Variants in PMF1 observed in about 807,000 individuals in gnomAD.
The protein encoded by PMF1 is polyamine modulated factor 1, also known as polyamine-modulated factor 1.
Under a neutral mutation model 26.7 loss-of-function variants are expected in PMF1, and 21 were observed. That is an observed-to-expected ratio of 0.79 (90% CI 0.56 to 1.13). The LOEUF is 1.13. Among genes scored for constraint, PMF1 ranks in the 50% most tolerant of loss-of-function variants. The probability of loss-of-function intolerance (pLI) is 0.00; values close to 1 mark genes in which losing one functional copy is unlikely to be tolerated. For missense variants in PMF1, 266 were observed against 254.9 expected, an observed-to-expected ratio of 1.04 and a Z score of -0.30; for synonymous variants, 105 against 101.0, an observed-to-expected ratio of 1.04 and a Z score of -0.24.
At position 156,213,132 on chromosome 1, in the gene PMF1, C is replaced by T; in HGVS notation, c.117C>T (p.Asp39=). The T allele has an allele frequency of 6.2e-7, 1 of 1,614,250 alleles. No homozygotes were observed. The highest frequency in any genetic ancestry group is 8.5e-7 in the Non-Finnish European group (1 of 1,180,020). Residue 39 remains aspartate, a synonymous_variant, in exon 1 of 5, where the codon GAC becomes GAT. Coordinates refer to ENST00000368277, the MANE Select transcript of PMF1 (RefSeq NM_007221.4). ...GTTISRVKLL[D]TMVDTFLQKL... is the part of the protein sequence containing the mutation. The stretch of plus-strand genomic sequence containing the variant: ...CCATTTCGAGGGTGAAGCTCCTCGA[C>T]ACCATGGTGGACACTTTTCTTCAGA...
chr1:156,238,074 A>G (rs900294305), intron 4 of PMF1, among the ~76,000 whole-genome samples: 6 of 152,212 alleles, frequency 3.9e-5, no homozygotes, highest in Admixed American at 2.6e-4. Flanking sequence ...CTTTGCCGAC[A>G]ATCAGTTGGC....
chr1:156,222,157 C>T (rs763496361), intron 1 of PMF1, among the ~76,000 whole-genome samples: 20 of 152,184 alleles, frequency 1.3e-4, no homozygotes, highest in African/African-American at 1.9e-4. Flanking sequence ...AAGTCAGGGC[C>T]GTGGGAGTAC....
At chr1:156,215,919 C>T (rs1234018588) in intron 1 of PMF1, among the ~76,000 whole-genome samples, 1 of 152,058 alleles carries the variant, frequency 6.6e-6, no homozygotes, top group Non-Finnish European at 1.5e-5. Context: ...GAACTCCTGA[C>T]CTCAGGTGAT....
intron 1 of PMF1, chr1:156,225,660 G>A (rs944783307): frequency 3.2e-6 from 5 of 1,554,384 alleles, no homozygotes; most frequent in South Asian, 1.2e-5. Context: ...GTTACCACAG[G>A]GGAGGAAGGC....
chr1:156,238,066 T>G (rs1419525096), intron 4 of PMF1, among the ~76,000 whole-genome samples: 4 of 152,208 alleles, frequency 2.6e-5, no homozygotes, highest in Non-Finnish European at 4.4e-5. Context: ...CTTGACACCT[T>G]TGCCGACAAT....
At position 156,213,125 on chromosome 1, in the gene PMF1, T is replaced by G; in HGVS notation, c.110T>G (p.Leu37Arg). The stretch of plus-strand genomic sequence containing the variant: ...GGCACTACCATTTCGAGGGTGAAGC[T>G]CCTCGACACCATGGTGGACACTTTT... The part of the protein sequence containing the change: ...PPGTTISRVK[L>R]LDTMVDTFLQ... The change falls in exon 1 of 5, where the codon CTC becomes CGC. Residue 37 changes from leucine to arginine, a missense_variant. Transcript: ENST00000368277. The G allele has an allele frequency of 6.2e-7, 1 of 1,614,088 alleles. No homozygotes were observed. Among genetic ancestry groups the G allele is most frequent in the Non-Finnish European group, 8.5e-7 (1 of 1,179,934 alleles).
chr1:156,213,587 C>T (rs1032104208), intron 1 of PMF1, among the ~76,000 whole-genome samples: 3 of 152,016 alleles, frequency 2.0e-5, no homozygotes, highest in African/African-American at 7.2e-5. Context: ...GCCGCAGCTT[C>T]CCAAGTAGCC....
At chr1:156,227,934 AT>A (rs35566648) in intron 1 of PMF1, among the ~76,000 whole-genome samples, 44,490 of 119,624 alleles carry the variant, frequency 0.37, 6,736 homozygotes, top group African/African-American at 0.41. Context: ...CCTGACTATG[AT>A]TTTTTTTTTT....
At chr1:156,232,505 C>CT in intron 2 of PMF1, 80 bp downstream of exon 2, 1 of 1,326,816 alleles carries the variant, frequency 7.5e-7, no homozygotes, top group Non-Finnish European at 1.1e-6. Context: ...GCAGTGGCCC[C>CT]ACCCTCTACA....
At chr1:156,237,363 C>G (rs905446864) in intron 4 of PMF1, 1 of 152,174 alleles carries the variant, frequency 6.6e-6, no homozygotes, top group African/African-American at 2.4e-5. Context: ...CCCTTTCCCC[C>G]AGCCTCTGTT....
Position 156,233,803 on chromosome 1 carries a change from T to C in PMF1, c.368+75T>C, listed in dbSNP as rs1247320474. ...AAGCTTTTTTTTTTTTTTTCTAGAG[T>C]CAGGGTCTCACTATGTTGGCCAGGC... On this transcript the variant is annotated intron_variant, in intron 3 of 4. Transcript: ENST00000368277. The C allele has an allele frequency of 4.3e-6, 6 of 1,389,980 alleles. No individual in the cohort carries two copies. The African/African-American group carries it at 9.5e-5, about 22-fold the overall frequency. The allele number at this position is 1,389,980 out of a possible 1,614,324, so 86.1% of individuals were successfully genotyped here.
At chr1:156,218,853 T>A (rs1657926995) in intron 1 of PMF1, among the ~76,000 whole-genome samples, 1 of 152,088 alleles carries the variant, frequency 6.6e-6, no homozygotes, top group African/African-American at 2.4e-5. Context: ...TTTCATGTAA[T>A]TACTTCCATT....
chr1:156,230,160 C>T (rs951526011), intron 1 of PMF1, among the ~76,000 whole-genome samples: 6 of 152,098 alleles, frequency 3.9e-5, no homozygotes, highest in African/African-American at 1.5e-4. Flanking sequence ...CCCTAATGCC[C>T]TGTTTACCCA....
chr1:156,227,467 CT>C (rs1658428715), intron 1 of PMF1, among the ~76,000 whole-genome samples: 1 of 149,352 alleles, frequency 6.7e-6, no homozygotes, highest in Non-Finnish European at 1.5e-5. Context: ...TTTAAAATTT[CT>C]TTTAATTTTT....
intron 2 of PMF1, among the ~76,000 whole-genome samples, chr1:156,232,757 A>G (rs1244328612): frequency 1.3e-5 from 2 of 151,444 alleles, no homozygotes; most frequent in African/African-American, 4.9e-5. Context: ...GTACAGCGGC[A>G]TAATCACAGC....
intron 1 of PMF1, among the ~76,000 whole-genome samples, chr1:156,221,150 C>T (rs966465827): frequency 1.2e-4 from 18 of 152,136 alleles, no homozygotes; most frequent in African/African-American, 4.1e-4. Context: ...TTACTTTCAC[C>T]CCCTCCTCCC....
chr1:156,230,363 C>T (rs2103113375), intron 1 of PMF1, among the ~76,000 whole-genome samples: 1 of 152,366 alleles, frequency 6.6e-6, no homozygotes, highest in Non-Finnish European at 1.5e-5. Context: ...CCCTATAACT[C>T]TGGCCTTTTT....
chr1:156,219,788 C>T (rs1220904576), intron 1 of PMF1, among the ~76,000 whole-genome samples: 5 of 151,752 alleles, frequency 3.3e-5, no homozygotes, highest in African/African-American at 9.7e-5. Context: ...CATGCTCTGT[C>T]GCCCAGACCG....
chr1:156,227,202 T>C (rs1440313721), intron 1 of PMF1, among the ~76,000 whole-genome samples: 1 of 152,164 alleles, frequency 6.6e-6, no homozygotes, highest in East Asian at 1.9e-4. Context: ...CAAATGGTCA[T>C]GAATTAAAAA....
Sources: gnomAD v4.1 joint callset for allele counts (sites outside exome capture counted in the v4.1 genomes callset) on GRCh38, gnomAD v4.1.1 for gene constraint, MANE v1.5 for transcripts, NCBI Gene and HGNC (gene_info 2026-07-23, HGNC 2026-07-21) for gene names.